The following NKAIN2 variants were observed in gnomAD, a reference collection of about 807,000 sequenced individuals.
The protein encoded by NKAIN2 is sodium/potassium-transporting ATPase subunit beta-1-interacting protein 2.
A neutral mutation model predicts 32.6 loss-of-function variants in NKAIN2; 14 were observed. The observed-to-expected ratio is 0.43, with a 90% CI of 0.28 to 0.67. The LOEUF is 0.67. NKAIN2 is among the 30% of genes least tolerant of loss of function. The probability of loss-of-function intolerance (pLI) is 0.17; values close to 1 mark genes in which losing one functional copy is unlikely to be tolerated. For missense variants in NKAIN2, 198 were observed against 258.3 expected, an observed-to-expected ratio of 0.77 and a Z score of 1.60; for synonymous variants, 80 against 87.2, an observed-to-expected ratio of 0.92 and a Z score of 0.46.
chr6:124,470,907 C>T (rs1454413959), intron 3 of NKAIN2, among the ~76,000 whole-genome samples: 1 of 152,140 alleles, frequency 6.6e-6, no homozygotes, highest in African/African-American at 2.4e-5. Flanking sequence ...GTATTTAAAA[C>T]TGAGGCTGGT....
At chr6:124,559,014 T>C (rs1005104120) in intron 3 of NKAIN2, among the ~76,000 whole-genome samples, 6 of 152,114 alleles carry the variant, frequency 3.9e-5, no homozygotes, top group African/African-American at 1.4e-4. Context: ...AGGATGGTTC[T>C]ATTTAATCAT....
intron 4 of NKAIN2, among the ~76,000 whole-genome samples, chr6:124,711,594 C>G (rs1349977030): frequency 6.6e-6 from 1 of 150,716 alleles, no homozygotes; most frequent in Non-Finnish European, 1.5e-5. Context: ...GATACCCTTT[C>G]TTCCAGTTGA....
chr6:124,608,556 G>C (rs1223477955), intron 3 of NKAIN2, among the ~76,000 whole-genome samples: 1 of 152,162 alleles, frequency 6.6e-6, no homozygotes, highest in Non-Finnish European at 1.5e-5. Context: ...CAGCAGTGCT[G>C]TGGCCACTCA....
intron 3 of NKAIN2, among the ~76,000 whole-genome samples, chr6:124,546,680 C>G (rs1366742976): frequency 1.3e-5 from 2 of 152,024 alleles, no homozygotes; most frequent in East Asian, 3.9e-4. Context: ...GCTTCCCCCT[C>G]AAGAAATTTT....
At chr6:124,123,525 T>G (rs933275935) in intron 1 of NKAIN2, among the ~76,000 whole-genome samples, 1 of 152,184 alleles carries the variant, frequency 6.6e-6, no homozygotes, top group Non-Finnish European at 1.5e-5. Context: ...TTAAGAGGTT[T>G]TTGCATAGAT....
At chr6:124,462,001 C>T (rs1199357117) in intron 3 of NKAIN2, among the ~76,000 whole-genome samples, 2 of 151,636 alleles carry the variant, frequency 1.3e-5, no homozygotes, top group African/African-American at 2.4e-5. Flanking sequence ...GATGATATCT[C>T]AATATTTGCA....
chr6:124,464,593 A>G (rs188097673), intron 3 of NKAIN2, among the ~76,000 whole-genome samples: 69 of 152,152 alleles, frequency 4.5e-4, no homozygotes, highest in African/African-American at 1.6e-3. Flanking sequence ...TTAATTACCT[A>G]ATGAGAAGAG....
intron 1 of NKAIN2, among the ~76,000 whole-genome samples, chr6:124,130,455 T>C (rs1786416941): frequency 6.6e-6 from 1 of 152,236 alleles, no homozygotes; most frequent in Non-Finnish European, 1.5e-5. Context: ...TGTGACATTT[T>C]ATTAAAATAT....
chr6:124,352,859 C>G (rs570354448), intron 2 of NKAIN2, among the ~76,000 whole-genome samples: 1 of 152,276 alleles, frequency 6.6e-6, no homozygotes, highest in East Asian at 1.9e-4. Flanking sequence ...AGACCCAGCC[C>G]TCAACTCATA....
chr6:124,721,202 G>A, intron 4 of NKAIN2, among the ~76,000 whole-genome samples: 1 of 151,972 alleles, frequency 6.6e-6, no homozygotes, highest in Non-Finnish European at 1.5e-5. Context: ...GGATCACGAG[G>A]TCAGGAGATC....
chr6:123,846,835 C>T (rs1003793431), intron 1 of NKAIN2, among the ~76,000 whole-genome samples: 4 of 69,914 alleles, frequency 5.7e-5, no homozygotes, highest in Non-Finnish European at 9.7e-5. Context: ...GCCACACACA[C>T]GCACGCGCGC....
At chr6:124,804,854 C>A (rs1780452249) in intron 5 of NKAIN2, among the ~76,000 whole-genome samples, 1 of 152,184 alleles carries the variant, frequency 6.6e-6, no homozygotes, top group African/African-American at 2.4e-5. Context: ...CTGCACCTGG[C>A]TCCGAGGGTC....
intron 3 of NKAIN2, among the ~76,000 whole-genome samples, chr6:124,542,683 G>A (rs1210868010): frequency 6.6e-6 from 1 of 152,182 alleles, no homozygotes; most frequent in Admixed American, 6.5e-5. Context: ...AAAGGCAGGA[G>A]ATGAGATTGG....
intron 3 of NKAIN2, among the ~76,000 whole-genome samples, chr6:124,357,364 C>T (rs921048181): frequency 2.0e-5 from 3 of 152,030 alleles, no homozygotes; most frequent in South Asian, 4.1e-4. Context: ...ATTCTTTAGT[C>T]GTTGCAACTG....
intron 3 of NKAIN2, among the ~76,000 whole-genome samples, chr6:124,531,719 G>A (rs140871272): frequency 1.3e-5 from 2 of 152,234 alleles, no homozygotes; most frequent in East Asian, 1.9e-4. Context: ...CTGTTGCGCA[G>A]GCTGGAGTGC....
intron 2 of NKAIN2, among the ~76,000 whole-genome samples, chr6:124,311,675 T>G (rs1796723411): frequency 6.6e-6 from 1 of 152,150 alleles, no homozygotes; most frequent in Non-Finnish European, 1.5e-5. Context: ...GTTTGCTTAT[T>G]GAATTTGCAT....
intron 1 of NKAIN2, among the ~76,000 whole-genome samples, chr6:124,082,882 A>T (rs971471410): frequency 5.9e-5 from 9 of 152,052 alleles, no homozygotes; most frequent in Non-Finnish European, 1.0e-4. Context: ...CATATTAACA[A>T]GCAGTGTAGT....
chr6:123,848,333 G>C lies in NKAIN2; in HGVS notation c.54+44079G>C, dbSNP rs117684811. ...TTTGCATGCTACCTGATATGGTTTA[G>C]CTGTGTCCCCACCCAAATCTCATCT... On this transcript the variant is annotated intron_variant, in intron 1 of 6. Coordinates refer to ENST00000368417, the MANE Select transcript of NKAIN2 (RefSeq NM_001040214.3). 7.5e-3 allele frequency among the ~76,000 whole-genome samples: 1,143 copies of C among 152,266 alleles called. 5 individuals are homozygous for C. Among genetic ancestry groups the C allele is most frequent in the Middle Eastern group, 0.034 (10 of 294 alleles).
intron 1 of NKAIN2, among the ~76,000 whole-genome samples, chr6:124,114,720 G>A (rs906066136): frequency 2.6e-5 from 4 of 152,126 alleles, no homozygotes; most frequent in Admixed American, 2.0e-4. Flanking sequence ...GTGACACTCA[G>A]AAGCCCAATA....
Sources: gnomAD v4.1 joint callset for allele counts (sites outside exome capture counted in the v4.1 genomes callset) on GRCh38, gnomAD v4.1.1 for gene constraint, MANE v1.5 for transcripts, NCBI Gene and HGNC (gene_info 2026-07-23, HGNC 2026-07-21) for gene names.